KDM7A: variants seen among roughly 807,000 people sequenced by gnomAD.
The protein encoded by KDM7A is lysine-specific demethylase 7A.
A neutral mutation model predicts 114.8 loss-of-function variants in KDM7A; 28 were observed. The ratio of observed to expected loss-of-function variants is 0.24; its 90% CI spans 0.18 to 0.33. KDM7A has a LOEUF of 0.33. Among genes scored for constraint, KDM7A ranks in the 10% least tolerant of loss-of-function variants. The pLI is 1.00. For missense variants in KDM7A, 942 were observed against 1,142.5 expected (o/e 0.82, Z 2.53); for synonymous variants, 423 against 397.8 (o/e 1.06, Z -0.75).
At position 140,085,846 on chromosome 7, in the gene KDM7A, G is replaced by A. The variant is rs1469150392; in HGVS notation, c.*5248C>T. 1.3e-5 allele frequency: 2 copies of A among 152,196 alleles called. No homozygotes were observed. The highest frequency in any genetic ancestry group is 2.9e-5 in the Non-Finnish European group (2 of 68,028). 9.4% of individuals were successfully genotyped at this position (152,196 alleles called of 1,614,324 possible). A position where few individuals can be genotyped will look rare whatever the true frequency, so the allele number is the denominator to read the frequency against. ...GGTTACTTATGAATCTTAAAAGGAA[G>A]AAATAGTTCTAGGTAAGGAATTAAC... On this transcript the variant is annotated 3_prime_UTR_variant, in exon 20 of 20. Transcript: ENST00000397560.
intron 1 of KDM7A, among the ~76,000 whole-genome samples, chr7:140,147,062 C>T (rs747110773): frequency 3.3e-5 from 5 of 152,052 alleles, no homozygotes; most frequent in South Asian, 2.1e-4. Context: ...GCCCCAAATT[C>T]CTCCTCCTTG....
At chr7:140,135,682 C>A (rs1184080643) in intron 2 of KDM7A, among the ~76,000 whole-genome samples, 6 of 151,914 alleles carry the variant, frequency 3.9e-5, no homozygotes, top group Admixed American at 3.3e-4. Context: ...AATCTTTCTT[C>A]AAAGTTGAAA....
At chr7:140,113,362 G>A in intron 10 of KDM7A, 129 bp downstream of exon 10, 1 of 491,800 alleles carries the variant, frequency 2.0e-6, no homozygotes, top group South Asian at 3.8e-5. Flanking sequence ...AATGCAGGTT[G>A]TATATAAAGG....
At chr7:140,171,630 T>C (rs1488451053) in intron 1 of KDM7A, among the ~76,000 whole-genome samples, 1 of 146,674 alleles carries the variant, frequency 6.8e-6, no homozygotes, top group African/African-American at 2.5e-5. Context: ...TATTTATAAA[T>C]ATATATTTAT....
intron 1 of KDM7A, among the ~76,000 whole-genome samples, chr7:140,148,677 C>CA (rs1794368314): frequency 6.6e-6 from 1 of 152,112 alleles, no homozygotes; most frequent in African/African-American, 2.4e-5. Context: ...TGAGACAGAT[C>CA]ACTTTATTAC....
Position 140,118,025 on chromosome 7 carries a change from T to C in KDM7A, c.1246+1088A>G, listed in dbSNP as rs185221887. ...GTTCTGTACATCCTATCTTGGGAAG[T>C]AAATTTTTGGTTATTTCTTTTCATT... On this transcript the variant is annotated intron_variant, in intron 9 of 19. Transcript: ENST00000397560. 2.0e-5 allele frequency among the ~76,000 whole-genome samples: 3 copies of C among 152,358 alleles called. No homozygotes were observed. The East Asian group carries it at 5.8e-4, about 29-fold the overall frequency.
rs781613338 is a variant in KDM7A, at chr7:140,096,933, G to A, written c.2131C>T (p.Gln711Ter). 2 of 1,613,844 alleles carry A rather than the reference G, an allele frequency of 1.2e-6. No individual in the cohort carries two copies. ...NVMRNFLQKSQKPSRSEIPIK... is the reference protein window; with the variant it reads ...NVMRNFLQKS Reference sequence around the variant, plus strand: ...GGAATTTCACTTCTAGATGGCTTCTGGCTCTTTTGAAGGAAGTTCCTCATC... The same window carrying A: ...GGAATTTCACTTCTAGATGGCTTCTAGCTCTTTTGAAGGAAGTTCCTCATC... The change falls in exon 16 of 20, where the codon CAG becomes TAG. Residue 711 changes from glutamine (Q) to a stop codon, truncating the protein, a stop_gained. Transcript: ENST00000397560. LOFTEE classifies it high-confidence loss of function.
chr7:140,128,897 G>A (rs572127665), intron 4 of KDM7A, among the ~76,000 whole-genome samples: 85 of 152,276 alleles, frequency 5.6e-4, no homozygotes, highest in African/African-American at 2.0e-3. Context: ...CAACAACATG[G>A]CAAGGGGTAT....
At chr7:140,097,076 C>T (rs1223901109) in intron 15 of KDM7A, 29 bp from the exon 16 acceptor site, 2 of 1,578,046 alleles carry the variant, frequency 1.3e-6, no homozygotes, top group African/African-American at 2.7e-5. Flanking sequence ...GGAAACAAAG[C>T]TACATAAGAA....
intron 1 of KDM7A, among the ~76,000 whole-genome samples, chr7:140,175,772 G>A (rs1198991436): frequency 6.6e-6 from 1 of 151,654 alleles, no homozygotes; most frequent in East Asian, 2.0e-4. Flanking sequence ...CGCCGCCGCC[G>A]CCAGCCGGCC....
intron 11 of KDM7A, among the ~76,000 whole-genome samples, chr7:140,104,770 AT>A (rs1818299052): frequency 1.3e-5 from 2 of 152,166 alleles, no homozygotes; most frequent in African/African-American, 2.4e-5. Flanking sequence ...TGTCTTGGCA[AT>A]GTAGGCTCTT....
At position 140,161,562 on chromosome 7, in the gene KDM7A, G is replaced by C. The variant is rs111803488; in HGVS notation, c.194+15182C>G. Among the ~76,000 whole-genome samples the C allele has an allele frequency of 7.6e-4, 114 of 149,944 alleles. 2 individuals carry two copies. The highest frequency in any genetic ancestry group is 2.2e-3 in the Admixed American group (33 of 15,118). On this transcript the variant is annotated intron_variant, in intron 1 of 19. Transcript: ENST00000397560. ...TTTTTTTGTTTTTTTTTTCTACGGT[G>C]GGGGGGACGGAGTCTCGCTCTGTCA...
chr7:140,173,115 T>C (rs545497789), intron 1 of KDM7A, among the ~76,000 whole-genome samples: 2 of 152,262 alleles, frequency 1.3e-5, no homozygotes, highest in East Asian at 3.9e-4. Flanking sequence ...ACATCTAGCC[T>C]GGAGATAAGG....
chr7:140,148,321 G>C (rs1428618061), intron 1 of KDM7A, among the ~76,000 whole-genome samples: 4 of 152,032 alleles, frequency 2.6e-5, no homozygotes, highest in African/African-American at 9.7e-5. Flanking sequence ...GCCTGTGTTA[G>C]AATCCCAGCT....
At position 140,124,652 on chromosome 7, in the gene KDM7A, T is replaced by A. The variant is rs1185401158; in HGVS notation, c.1020A>T (p.Val340=). Reference sequence around the variant, plus strand: ...GAACAAATAAGGTATGTCCCTGCTTTACCACACATTTGTAGCATTTATCCA... The same window carrying A: ...GAACAAATAAGGTATGTCCCTGCTTAACCACACATTTGTAGCATTTATCCA... ...DKVDKCYKCV[V]KQGHTLFVPT... is the part of the protein sequence containing the mutation. The change falls in exon 7 of 20, where the codon GTA becomes GTT. Residue 340 remains valine, a synonymous_variant. Coordinates refer to ENST00000397560, the MANE Select transcript of KDM7A (RefSeq NM_030647.2). The A allele has an allele frequency of 1.9e-6, 3 of 1,613,322 alleles. No homozygotes were observed. The African/African-American group carries it at 4.0e-5, about 22-fold the overall frequency.
intron 11 of KDM7A, among the ~76,000 whole-genome samples, chr7:140,110,384 A>T (rs1818411866): frequency 6.6e-6 from 1 of 152,204 alleles, no homozygotes; most frequent in Non-Finnish European, 1.5e-5. Flanking sequence ...CACATTGAGA[A>T]TTACACATTC....
chr7:140,145,712 T>C (rs1178034736), intron 1 of KDM7A, among the ~76,000 whole-genome samples: 1 of 152,226 alleles, frequency 6.6e-6, no homozygotes, highest in Non-Finnish European at 1.5e-5. Flanking sequence ...TGGCACTTTT[T>C]CTATAGAAAC....
At chr7:140,138,203 G>A (rs2116819226) in intron 2 of KDM7A, among the ~76,000 whole-genome samples, 1 of 152,192 alleles carries the variant, frequency 6.6e-6, no homozygotes, top group South Asian at 2.1e-4. Context: ...AGCTACTCCA[G>A]AGGTTGAGGC....
chr7:140,125,431 G>A (rs140407173), intron 6 of KDM7A, among the ~76,000 whole-genome samples: 1 of 152,210 alleles, frequency 6.6e-6, no homozygotes, highest in East Asian at 1.9e-4. Context: ...AATGTGCCTA[G>A]TATAAACGAG....
Sources: allele counts gnomAD v4.1 joint callset (sites outside exome capture counted in the v4.1 genomes callset), GRCh38; gene constraint gnomAD v4.1.1; transcripts MANE v1.5; gene names NCBI Gene and HGNC (gene_info 2026-07-23, HGNC 2026-07-21).